Variants in RNF216 observed in about 807,000 individuals in gnomAD.
The protein encoded by RNF216 is E3 ubiquitin-protein ligase RNF216.
RNF216 carries 72 observed loss-of-function variants against 110.8 expected under a neutral mutation model. That is an observed-to-expected ratio of 0.65 (90% CI 0.54 to 0.79). The LOEUF (loss-of-function observed/expected upper bound fraction) is 0.79. Among genes scored for constraint, RNF216 ranks in the 30% least tolerant of loss-of-function variants. The probability of loss-of-function intolerance (pLI) is 0.00; values close to 1 mark genes in which losing one functional copy is unlikely to be tolerated. For missense variants in RNF216, 1,342 were observed against 1,141.2 expected, an observed-to-expected ratio of 1.18 and a Z score of -2.54; for synonymous variants, 495 against 407.5, an observed-to-expected ratio of 1.21 and a Z score of -2.59.
intron 15 of RNF216, among the ~76,000 whole-genome samples, chr7:5,626,140 T>A (rs1396502172): frequency 1.3e-5 from 2 of 152,154 alleles, no homozygotes; most frequent in African/African-American, 4.8e-5. Context: ...GAGGGAGCTG[T>A]CTCTCTCCAG....
intron 13 of RNF216, among the ~76,000 whole-genome samples, chr7:5,681,727 G>A (rs143246697): frequency 1.5e-3 from 232 of 152,238 alleles, no homozygotes; most frequent in African/African-American, 5.4e-3. Flanking sequence ...ACCACACTGC[G>A]AAACCACACT....
rs763811947 is a variant in RNF216, at chr7:5,752,836, G to A, written c.201+10C>T. 1.7e-5 allele frequency: 27 copies of A among 1,608,682 alleles called. No individual in the cohort carries two copies. Among genetic ancestry groups the A allele is most frequent in the Non-Finnish European group, 2.3e-5 (27 of 1,178,146 alleles). ...AATAATGTCTCATTGTAAGTTTAAA[G>A]AAAACTCACTTCTGTCAGGATGACA... On this transcript the variant is annotated intron_variant, in intron 3 of 16. Coordinates refer to ENST00000389902, the MANE Select transcript of RNF216 (RefSeq NM_207111.4).
chr7:5,725,525 C>G, intron 7 of RNF216, 87 bp from the exon 8 acceptor site: 2 of 788,452 alleles, frequency 2.5e-6, no homozygotes, highest in Non-Finnish European at 4.4e-6. Flanking sequence ...CATTTTAACA[C>G]AGTTTCAGCT....
At chr7:5,676,837 C>T (rs181573312) in intron 13 of RNF216, among the ~76,000 whole-genome samples, 26 of 152,314 alleles carry the variant, frequency 1.7e-4, no homozygotes, top group African/African-American at 5.8e-4. Flanking sequence ...GGTCATTGTC[C>T]CAGGCTAGAT....
intron 3 of RNF216, among the ~76,000 whole-genome samples, chr7:5,751,352 T>C (rs1338590451): frequency 2.6e-5 from 4 of 152,052 alleles, no homozygotes; most frequent in South Asian, 4.1e-4. Context: ...TAAATAAAAA[T>C]TATAGGAGGC....
In RNF216 at chr7:5,623,064, G is replaced by A; in HGVS notation, c.2568C>T (p.Pro856=). Residue 856 remains proline, a synonymous_variant, in exon 17 of 17, where the codon CCC becomes CCT. Transcript: ENST00000389902. ...PQNLPQPQMP[P]YAFAHPPFPL... Reference sequence around the variant, plus strand: ...GGAAGGGTGGGTGCGCGAAGGCATAGGGTGGCATCTGTGGCTGTGGCAGGT... The same window carrying A: ...GGAAGGGTGGGTGCGCGAAGGCATAAGGTGGCATCTGTGGCTGTGGCAGGT... 6.2e-7 allele frequency: 1 copy of A among 1,613,522 alleles called. No homozygotes were observed. The highest frequency in any genetic ancestry group is 8.5e-7 in the Non-Finnish European group (1 of 1,179,518).
At chr7:5,722,095 T>C (rs562807591) in intron 8 of RNF216, among the ~76,000 whole-genome samples, 1 of 152,106 alleles carries the variant, frequency 6.6e-6, no homozygotes, top group African/African-American at 2.4e-5. Context: ...AGCTAATTTT[T>C]TTGTATTTTT....
intron 1 of RNF216, among the ~76,000 whole-genome samples, chr7:5,765,082 A>C (rs1208448640): frequency 6.6e-6 from 1 of 151,750 alleles, no homozygotes; most frequent in Non-Finnish European, 1.5e-5. Flanking sequence ...AAAAAAAAAA[A>C]AAGTAAGGAT....
chr7:5,687,291 G>T (rs942229946), intron 13 of RNF216, among the ~76,000 whole-genome samples: 19 of 151,300 alleles, frequency 1.3e-4, no homozygotes, highest in Admixed American at 6.6e-4. Context: ...AGCTACTTGG[G>T]AGGCTGAGGA....
Position 5,652,477 on chromosome 7 carries a change from C to T in RNF216, c.2095G>A (p.Glu699Lys), listed in dbSNP as rs1285851484. The T allele has an allele frequency of 1.9e-6, 3 of 1,613,804 alleles. No individual in the cohort carries two copies. Among genetic ancestry groups the T allele is most frequent in the Admixed American group, 3.3e-5 (2 of 60,002 alleles). ...TCRKCQGLWKEHNGLTCEELA... is the reference protein window; with the variant it reads ...TCRKCQGLWKKHNGLTCEELA... ...TCTTCACAGGTGAGGCCATTATGTT[C>T]TTTCCAGAGTCCCTGACACTTCCTA... The change falls in exon 14 of 17, where the codon GAA becomes AAA. Residue 699 changes from glutamate to lysine, a missense_variant. By Grantham distance (56) the Glu-to-Lys change is moderately conservative. Transcript: ENST00000389902.
chr7:5,754,557 C>T (rs1372939855), intron 2 of RNF216, among the ~76,000 whole-genome samples: 1 of 152,166 alleles, frequency 6.6e-6, no homozygotes, highest in East Asian at 1.9e-4. Flanking sequence ...TGAAGAGATA[C>T]TGAGCAAAGA....
At chr7:5,660,536 C>T (rs1282066765) in intron 13 of RNF216, among the ~76,000 whole-genome samples, 1 of 151,834 alleles carries the variant, frequency 6.6e-6, no homozygotes, top group Non-Finnish European at 1.5e-5. Context: ...GTGATCCACC[C>T]ATCTCGGCCT....
At chr7:5,742,996 C>T (rs1347328109) in intron 3 of RNF216, among the ~76,000 whole-genome samples, 1 of 152,088 alleles carries the variant, frequency 6.6e-6, no homozygotes, top group Non-Finnish European at 1.5e-5. Flanking sequence ...GGCGTGGTGG[C>T]TCATGCCTGT....
At chr7:5,775,051 T>C (rs1180312415) in intron 1 of RNF216, 3 of 152,192 alleles carry the variant, frequency 2.0e-5, no homozygotes, top group Non-Finnish European at 2.9e-5. Flanking sequence ...TGGCCTCTTT[T>C]CTTACTTATA....
At chr7:5,635,017 C>T (rs181554267) in intron 15 of RNF216, among the ~76,000 whole-genome samples, 3 of 152,292 alleles carry the variant, frequency 2.0e-5, no homozygotes, top group East Asian at 3.9e-4. Context: ...GGGCACCTAA[C>T]GACCATGTAT....
intron 2 of RNF216, among the ~76,000 whole-genome samples, chr7:5,755,337 A>G (rs1795579640): frequency 6.6e-6 from 1 of 152,212 alleles, no homozygotes; most frequent in South Asian, 2.1e-4. Context: ...GTAAGGTTCC[A>G]ATTAGCTTTT....
At chr7:5,742,226 T>C (rs1794797213) in intron 3 of RNF216, among the ~76,000 whole-genome samples, 1 of 152,058 alleles carries the variant, frequency 6.6e-6, no homozygotes, top group South Asian at 2.1e-4. Flanking sequence ...TTTGTGTTTC[T>C]AAGAGAGATG....
chr7:5,695,702 G>A (rs760658129), intron 13 of RNF216, among the ~76,000 whole-genome samples: 2 of 152,216 alleles, frequency 1.3e-5, no homozygotes, highest in Non-Finnish European at 2.9e-5. Flanking sequence ...TTCTCCCCTA[G>A]TCATCCTCGG....
intron 15 of RNF216, among the ~76,000 whole-genome samples, chr7:5,634,970 C>T (rs942911932): frequency 6.6e-6 from 1 of 152,132 alleles, no homozygotes; most frequent in African/African-American, 2.4e-5. Flanking sequence ...CACCCCTCTG[C>T]AAGGGCTACC....
Sources: allele counts gnomAD v4.1 joint callset (sites outside exome capture counted in the v4.1 genomes callset), GRCh38; gene constraint gnomAD v4.1.1; transcripts MANE v1.5; gene names NCBI Gene and HGNC (gene_info 2026-07-23, HGNC 2026-07-21).